FMN1: variants seen among roughly 807,000 people sequenced by gnomAD.
The protein encoded by FMN1 is formin-1.
In FMN1, 110 loss-of-function variants were observed where a neutral mutation model predicts 132.4. The ratio of observed to expected loss-of-function variants is 0.83; its 90% CI spans 0.71 to 0.97. The LOEUF (loss-of-function observed/expected upper bound fraction) is 0.97. FMN1 is among the 50% of genes least tolerant of loss of function. The pLI is 0.00. For missense variants in FMN1, 1,792 were observed against 1,705.3 expected (o/e 1.05, Z -0.90); for synonymous variants, 722 against 651.7 (o/e 1.11, Z -1.64).
chr15:33,019,005 T>C (rs917079177), intron 6 of FMN1, among the ~76,000 whole-genome samples: 2 of 152,304 alleles, frequency 1.3e-5, no homozygotes, highest in East Asian at 3.9e-4. Flanking sequence ...ATTGCAGAGT[T>C]AAAGAACAAA....
chr15:32,935,068 C>A (rs988525587), intron 9 of FMN1, among the ~76,000 whole-genome samples: 2 of 151,656 alleles, frequency 1.3e-5, no homozygotes, highest in Non-Finnish European at 2.9e-5. Context: ...ATTACAGGCA[C>A]GCACCACCAT....
At chr15:32,949,082 G>A (rs1453319821) in intron 9 of FMN1, among the ~76,000 whole-genome samples, 3 of 151,794 alleles carry the variant, frequency 2.0e-5, no homozygotes, top group Admixed American at 1.3e-4. Flanking sequence ...AGTCTTATCA[G>A]TATTTTTGTT....
At chr15:32,994,097 G>T (rs562645253) in intron 7 of FMN1, among the ~76,000 whole-genome samples, 1 of 151,864 alleles carries the variant, frequency 6.6e-6, no homozygotes. Flanking sequence ...GGCCATCATC[G>T]ATCAGTGAGA....
chr15:32,964,254 T>A lies in FMN1; in HGVS notation c.2991A>T (p.Gln997His), dbSNP rs373289491. The A allele has an allele frequency of 2.0e-5, 32 of 1,573,688 alleles. No individual in the cohort carries two copies. In the African/African-American group the frequency reaches 3.5e-4, roughly 17 times the overall value. Residue 997 changes from glutamine (Q) to histidine (H), a missense_variant, in exon 9 of 21, where the codon CAA becomes CAT. Around this residue, in one of 3 missense-constraint regions of FMN1, gnomAD observed 1,150 missense variants for 1,043.1 expected, o/e 1.10. Coordinates refer to ENST00000616417, the MANE Select transcript of FMN1 (RefSeq NM_001277313.2). ...AGTCCCATAAGGTTGGTGTAGCATT[T>A]TGGCTTAAAAGAGAAAATGACAAGT... is the stretch of plus-strand genomic sequence containing the variant. ...WTRIQISDRSQNATPTLWDSL... is the reference protein window; with the variant it reads ...WTRIQISDRSHNATPTLWDSL...
At chr15:33,121,564 C>G (rs1471805913) in intron 4 of FMN1, among the ~76,000 whole-genome samples, 2 of 152,182 alleles carry the variant, frequency 1.3e-5, no homozygotes, top group Non-Finnish European at 2.9e-5. Context: ...TAGTCTTGCT[C>G]TGTCGCCAGG....
intron 9 of FMN1, among the ~76,000 whole-genome samples, chr15:32,945,674 C>T (rs1164118881): frequency 1.3e-5 from 2 of 152,120 alleles, no homozygotes. Flanking sequence ...ATAATCATTG[C>T]ATTCAAGATA....
intron 16 of FMN1, among the ~76,000 whole-genome samples, chr15:32,861,136 A>G (rs973201029): frequency 1.1e-4 from 16 of 152,198 alleles, no homozygotes; most frequent in African/African-American, 2.9e-4. Flanking sequence ...AAATTCCAAC[A>G]ATTTCATTTA....
At chr15:33,186,173 T>TAA (rs534215403) in intron 2 of FMN1, among the ~76,000 whole-genome samples, 37 of 136,362 alleles carry the variant, frequency 2.7e-4, no homozygotes, top group African/African-American at 6.5e-4. Flanking sequence ...GCTCTAAATG[T>TAA]AAAAAAAAAA....
intron 5 of FMN1, among the ~76,000 whole-genome samples, chr15:33,079,780 TGA>T (rs2038374822): frequency 6.6e-6 from 1 of 152,240 alleles, no homozygotes; most frequent in Non-Finnish European, 1.5e-5. Context: ...TGTACTAATT[TGA>T]GAGATAACTG....
In FMN1 at chr15:32,950,054, C is replaced by CATATATATATAT. The variant is rs1226548479; in HGVS notation, c.3138+14041_3138+14052dup. On this transcript the variant is annotated intron_variant, in intron 9 of 20. Transcript: ENST00000616417. ...ATATACACATATATATATATATACA[C>CATATATATATAT]ATATATATATATATATATATATATA... is the stretch of plus-strand genomic sequence containing the variant. 8.1e-4 allele frequency among the ~76,000 whole-genome samples: 4 copies of CATATATATATAT among 4,916 alleles called. 1 individual carries two copies. The highest frequency in any genetic ancestry group is 0.038 in the South Asian group (2 of 52). 3.2% of individuals were successfully genotyped at this position (4,916 alleles called of 152,430 possible). A position where few individuals can be genotyped will look rare whatever the true frequency, so the allele number is the denominator to read the frequency against.
chr15:33,025,776 C>A (rs890278442), intron 6 of FMN1, among the ~76,000 whole-genome samples: 1 of 152,014 alleles, frequency 6.6e-6, no homozygotes, highest in Admixed American at 6.6e-5. Flanking sequence ...CCACATCATT[C>A]TTTGATTTTA....
intron 7 of FMN1, among the ~76,000 whole-genome samples, chr15:32,988,056 T>TTTG (rs1208210292): frequency 1.3e-5 from 2 of 150,142 alleles, no homozygotes; most frequent in Non-Finnish European, 3.0e-5. Context: ...CCAGTTTTTT[T>TTTG]TTTTTTTTTT....
intron 5 of FMN1, among the ~76,000 whole-genome samples, chr15:33,069,899 A>C (rs777080776): frequency 6.6e-6 from 1 of 151,582 alleles, no homozygotes; most frequent in African/African-American, 2.4e-5. Context: ...ATTCTTGTCT[A>C]GAGGAAATAC....
At chr15:33,087,886 G>A (rs781431636) in intron 5 of FMN1, among the ~76,000 whole-genome samples, 5 of 151,832 alleles carry the variant, frequency 3.3e-5, no homozygotes, top group African/African-American at 7.3e-5. Context: ...GCCATAGAAA[G>A]GAATGAAATA....
chr15:33,044,659 G>A (rs1202254416), intron 6 of FMN1, among the ~76,000 whole-genome samples: 5 of 152,186 alleles, frequency 3.3e-5, no homozygotes, highest in African/African-American at 9.6e-5. Flanking sequence ...GCAGAGAGGA[G>A]CTACCCACCC....
chr15:33,116,880 T>C (rs2140153055), intron 4 of FMN1, among the ~76,000 whole-genome samples: 1 of 152,278 alleles, frequency 6.6e-6, no homozygotes, highest in South Asian at 2.1e-4. Flanking sequence ...TTTCGAAAGT[T>C]TGTTGAGGAT....
chr15:32,858,588 C>G (rs1293516368), intron 16 of FMN1, among the ~76,000 whole-genome samples: 1 of 152,188 alleles, frequency 6.6e-6, no homozygotes, highest in Non-Finnish European at 1.5e-5. Flanking sequence ...ATAGAGCTAT[C>G]TAGAATATCT....
At chr15:32,939,307 T>G (rs2061349856) in intron 9 of FMN1, among the ~76,000 whole-genome samples, 1 of 152,166 alleles carries the variant, frequency 6.6e-6, no homozygotes, top group Admixed American at 6.5e-5. Flanking sequence ...ACAACCTCCT[T>G]ACCCAGATAT....
chr15:32,797,322 G>T (rs1489922362), intron 19 of FMN1, among the ~76,000 whole-genome samples: 9 of 152,156 alleles, frequency 5.9e-5, no homozygotes, highest in African/African-American at 2.2e-4. Flanking sequence ...AAAATCTGAG[G>T]TGTAAAAATT....
Sources: allele counts gnomAD v4.1 joint callset (sites outside exome capture counted in the v4.1 genomes callset), GRCh38; gene constraint gnomAD v4.1.1; regional missense constraint gnomAD v4.1.1; transcripts MANE v1.5; gene names NCBI Gene and HGNC (gene_info 2026-07-23, HGNC 2026-07-21).